Variants in N4BP2L1 observed in about 807,000 individuals in gnomAD.
N4BP2L1 encodes NEDD4-binding protein 2-like 1.
In N4BP2L1, 12 loss-of-function variants were observed where a neutral mutation model predicts 21.2. The ratio of observed to expected loss-of-function variants is 0.57; its 90% CI spans 0.36 to 0.92. The LOEUF (loss-of-function observed/expected upper bound fraction) is 0.92. Ranked by LOEUF, N4BP2L1 falls within the 40% of genes least tolerant of loss-of-function variation. The pLI, the probability that N4BP2L1 is intolerant of heterozygous loss-of-function variation, is 0.01. For missense variants in N4BP2L1, 259 were observed against 310.6 expected (o/e 0.83, Z 1.25); for synonymous variants, 104 against 112.8 (o/e 0.92, Z 0.49).
At position 32,401,936 on chromosome 13, in the gene N4BP2L1, A is replaced by G; in HGVS notation, c.*1006T>C. ...ATTAATTTGGATTCATAAATTCAGCATCAGTATAAGAAGACATTCCAGAGT... is the reference window on the plus strand; with the variant it reads ...ATTAATTTGGATTCATAAATTCAGCGTCAGTATAAGAAGACATTCCAGAGT... On this transcript the variant is annotated 3_prime_UTR_variant, in exon 5 of 5. Coordinates refer to ENST00000380130, the MANE Select transcript of N4BP2L1 (RefSeq NM_052818.3). 1.0e-6 allele frequency: 1 copy of G among 985,580 alleles called. No homozygotes were observed. Among genetic ancestry groups the G allele is most frequent in the South Asian group, 4.7e-5 (1 of 21,278 alleles). The allele number at this position is 985,580 out of a possible 1,614,324, so 61.1% of individuals were successfully genotyped here.
chr13:32,415,416 G>A (rs1463288880), intron 1 of N4BP2L1, among the ~76,000 whole-genome samples: 1 of 152,116 alleles, frequency 6.6e-6, no homozygotes, highest in Non-Finnish European at 1.5e-5. Flanking sequence ...AATCACTTCT[G>A]AGCCTTCAAG....
chr13:32,427,924 G>A lies in N4BP2L1; in HGVS notation c.159C>T (p.Ser53=), dbSNP rs1247232985. ...HLYLLRGLPG[S]GKTTLARQLQ... Reference sequence around the variant, plus strand: ...ATTACCTGGCCAGTGTAGTTTTCCCGGAGCCCGGGAGGCCTCGCAGGAGGT... The same window carrying A: ...ATTACCTGGCCAGTGTAGTTTTCCCAGAGCCCGGGAGGCCTCGCAGGAGGT... The change falls in exon 1 of 5, where the codon TCC becomes TCT. Residue 53 remains serine, a synonymous_variant. Coordinates refer to ENST00000380130, the MANE Select transcript of N4BP2L1 (RefSeq NM_052818.3). 1.3e-6 allele frequency: 2 copies of A among 1,519,790 alleles called. No individual in the cohort carries two copies. Among genetic ancestry groups the A allele is most frequent in the Non-Finnish European group, 1.8e-6 (2 of 1,132,548 alleles). The allele number at this position is 1,519,790 out of a possible 1,614,324, so 94.1% of individuals were successfully genotyped here.
intron 1 of N4BP2L1, chr13:32,419,353 C>A: frequency 2.4e-6 from 1 of 411,920 alleles, no homozygotes; most frequent in Non-Finnish European, 4.7e-6. Flanking sequence ...TCAAGTGATT[C>A]TCCTGCCTCA....
intron 1 of N4BP2L1, among the ~76,000 whole-genome samples, chr13:32,424,723 G>T (rs141392193): frequency 3.9e-5 from 6 of 152,186 alleles, no homozygotes; most frequent in African/African-American, 1.4e-4. Flanking sequence ...AAACACGGGT[G>T]ATAAAGCAGA....
intron 1 of N4BP2L1, among the ~76,000 whole-genome samples, chr13:32,420,071 T>A (rs1344329007): frequency 6.6e-6 from 1 of 152,164 alleles, no homozygotes; most frequent in African/African-American, 2.4e-5. Flanking sequence ...GCCTCAAGTG[T>A]CCCCAAGCCA....
rs2073094690 is a variant in N4BP2L1 at position 32,400,831 on chromosome 13, A to C, written c.*2111T>G. 6.6e-6 allele frequency: 1 copy of C among 152,356 alleles called. No homozygotes were observed. The highest frequency in any genetic ancestry group is 2.1e-4 in the South Asian group (1 of 4,830). The allele number at this position is 152,356 out of a possible 1,614,324, so 9.4% of individuals were successfully genotyped here. The stretch of plus-strand genomic sequence containing the variant: ...ATGATGCAAACAGCGAACACAATAC[A>C]AGTCAATATTGGGTGTTCAAAGAGT... On this transcript the variant is annotated 3_prime_UTR_variant, in exon 5 of 5. Coordinates refer to ENST00000380130, the MANE Select transcript of N4BP2L1 (RefSeq NM_052818.3).
intron 1 of N4BP2L1, among the ~76,000 whole-genome samples, chr13:32,423,717 C>A (rs2074612380): frequency 6.6e-6 from 1 of 152,074 alleles, no homozygotes; most frequent in Admixed American, 6.5e-5. Flanking sequence ...TTACATGAAG[C>A]ATGTAAAGGA....
At chr13:32,416,221 T>C (rs969217650) in intron 1 of N4BP2L1, among the ~76,000 whole-genome samples, 10 of 152,254 alleles carry the variant, frequency 6.6e-5, no homozygotes, top group African/African-American at 2.4e-4. Flanking sequence ...TGCTAACCAC[T>C]ATTCTAGAGG....
intron 1 of N4BP2L1, among the ~76,000 whole-genome samples, chr13:32,414,209 A>G (rs574799142): frequency 6.6e-6 from 1 of 152,226 alleles, no homozygotes; most frequent in Admixed American, 6.5e-5. Flanking sequence ...ATAGCAAATT[A>G]TTTCCCACCT....
chr13:32,429,609 G>A (rs142474240), upstream of N4BP2L1, among the ~76,000 whole-genome samples: 640 of 152,338 alleles, frequency 4.2e-3, 6 homozygotes, highest in African/African-American at 0.014. Flanking sequence ...GCCCGGGCCC[G>A]GTGCAGTGGC....
intron 1 of N4BP2L1, among the ~76,000 whole-genome samples, chr13:32,419,186 G>A (rs1339934609): frequency 1.3e-5 from 2 of 151,594 alleles, no homozygotes; most frequent in Non-Finnish European, 2.9e-5. Context: ...CTGAATCATG[G>A]GAGCAGTTAC....
At chr13:32,412,645 A>C (rs1251393899) in intron 1 of N4BP2L1, among the ~76,000 whole-genome samples, 6 of 151,606 alleles carry the variant, frequency 4.0e-5, no homozygotes, top group Non-Finnish European at 4.4e-5. Context: ...CTGTCTCAAA[A>C]AAAAAAAAAA....
chr13:32,419,388 G>A (rs1403477541), intron 1 of N4BP2L1: 1 of 409,890 alleles, frequency 2.4e-6, no homozygotes, highest in Non-Finnish European at 4.7e-6. Flanking sequence ...CAGGATTACG[G>A]GTGCTTGCCA....
In N4BP2L1 at chr13:32,404,228, T is replaced by C. The variant is rs773200881; in HGVS notation, c.473+93A>G. 1.9e-6 allele frequency: 3 copies of C among 1,588,750 alleles called. No homozygotes were observed. The South Asian group carries it at 3.3e-5, about 18-fold the overall frequency. On this transcript the variant is annotated intron_variant, in intron 4 of 4. Coordinates refer to ENST00000380130, the MANE Select transcript of N4BP2L1 (RefSeq NM_052818.3). The stretch of plus-strand genomic sequence containing the variant: ...CATTTCTGGCCTGAAAACTACCATG[T>C]CCATTTCCAGCCTGAAAAGATTCTT...
At chr13:32,410,806 C>T (rs998059902) in intron 1 of N4BP2L1, among the ~76,000 whole-genome samples, 4 of 152,124 alleles carry the variant, frequency 2.6e-5, no homozygotes, top group African/African-American at 9.7e-5. Context: ...CCTCTGTACA[C>T]TAAGTTAAGC....
At position 32,404,400 on chromosome 13, in the gene N4BP2L1, G is replaced by A. The variant is rs746991013; in HGVS notation, c.397-3C>T. On this transcript the variant is annotated splice_polypyrimidine_tract_variant and splice_region_variant and intron_variant, in intron 3 of 4. Coordinates refer to ENST00000380130, the MANE Select transcript of N4BP2L1 (RefSeq NM_052818.3). The stretch of plus-strand genomic sequence containing the variant: ...ACTTCATAGTTATTTTCAAGTGCCT[G>A]ATTTTTCAAAAGTACATAAAACATT... The A allele has an allele frequency of 3.7e-6, 6 of 1,607,718 alleles. No homozygotes were observed. Among genetic ancestry groups the A allele is most frequent in the Non-Finnish European group, 4.3e-6 (5 of 1,176,006 alleles).
Position 32,427,968 on chromosome 13 carries a change from T to A in N4BP2L1, c.115A>T (p.Ser39Cys). ...AGGAGGTAGAGGTGTTTCCTAAAGCTGTGGCGGCGAGGAGGTGTCCCCCGC... is the reference window on the plus strand; with the variant it reads ...AGGAGGTAGAGGTGTTTCCTAAAGCAGTGGCGGCGAGGAGGTGTCCCCCGC... Reference protein sequence around the residue: ...PPRGTPPRRHSFRKHLYLLRG... With the variant: ...PPRGTPPRRHCFRKHLYLLRG... Residue 39 changes from serine (S) to cysteine (C), a missense_variant, in exon 1 of 5, where the codon AGC becomes TGC. Ser to Cys is a moderately radical substitution (Grantham distance 112, BLOSUM62 -1). Around this residue, in one of 3 missense-constraint regions of N4BP2L1, gnomAD observed 60 missense variants for 54.7 expected, o/e 1.10. Coordinates refer to ENST00000380130, the MANE Select transcript of N4BP2L1 (RefSeq NM_052818.3). 6.5e-7 allele frequency: 1 copy of A among 1,547,362 alleles called. No individual in the cohort carries two copies. The highest frequency in any genetic ancestry group is 8.7e-7 in the Non-Finnish European group (1 of 1,147,464).
At chr13:32,403,590 T>C (rs1244618132) in intron 4 of N4BP2L1, 9 of 462,820 alleles carry the variant, frequency 1.9e-5, no homozygotes, top group South Asian at 9.8e-5. Context: ...GAGATACTTA[T>C]TAAAACAATC....
Position 32,401,897 on chromosome 13 carries a change from C to G in N4BP2L1, c.*1045G>C. 1.0e-6 allele frequency: 1 copy of G among 984,644 alleles called. No homozygotes were observed. The highest frequency in any genetic ancestry group is 1.2e-6 in the Non-Finnish European group (1 of 828,864). 61.0% of individuals were successfully genotyped at this position (984,644 alleles called of 1,614,324 possible). On this transcript the variant is annotated 3_prime_UTR_variant, in exon 5 of 5. Transcript: ENST00000380130. ...TCATGATCTCACATTAAATCTGATT[C>G]CAACCTGTTGGAAATTAATTTGGAT...
Sources: allele counts gnomAD v4.1 joint callset (sites outside exome capture counted in the v4.1 genomes callset), GRCh38; gene constraint gnomAD v4.1.1; regional missense constraint gnomAD v4.1.1; transcripts MANE v1.5; gene names NCBI Gene and HGNC (gene_info 2026-07-23, HGNC 2026-07-21).